Variants in RBM20 observed in about 807,000 individuals in gnomAD.
RBM20 encodes RNA-binding protein 20.
In RBM20, 51 loss-of-function variants were observed where a neutral mutation model predicts 110.1. The ratio of observed to expected loss-of-function variants is 0.46; its 90% CI spans 0.37 to 0.59. The LOEUF (loss-of-function observed/expected upper bound fraction) is 0.59. Among genes scored for constraint, RBM20 ranks in the 20% least tolerant of loss-of-function variants. RBM20 has a pLI of 0.00. For synonymous variants in RBM20, 589 were observed against 618.2 expected, an observed-to-expected ratio of 0.95 and a Z score of 0.70; for missense variants, 1,512 against 1,574.9, an observed-to-expected ratio of 0.96 and a Z score of 0.68.
Position 110,835,894 on chromosome 10 carries a change from G to A in RBM20, c.3600G>A (p.Glu1200=). Residue 1200 remains glutamate (E), a synonymous_variant, in exon 14 of 14, where the codon GAG becomes GAA. Coordinates refer to ENST00000369519, the MANE Select transcript of RBM20 (RefSeq NM_001134363.3). ...AATATTTGTCCCAGCTGGCCGAGGAGGGCCTCAAGGAGACCGAGGGGGCAG... is the reference window on the plus strand; with the variant it reads ...AATATTTGTCCCAGCTGGCCGAGGAAGGCCTCAAGGAGACCGAGGGGGCAG... ...LQKYLSQLAE[E]GLKETEGADS... The A allele has an allele frequency of 6.5e-7, 1 of 1,549,402 alleles. No homozygotes were observed. The highest frequency in any genetic ancestry group is 8.7e-7 in the Non-Finnish European group (1 of 1,145,188).
At chr10:110,785,938 G>A (rs1459254848) in intron 5 of RBM20, among the ~76,000 whole-genome samples, 1 of 152,220 alleles carries the variant, frequency 6.6e-6, no homozygotes, top group East Asian at 1.9e-4. Context: ...CTACGCACCA[G>A]TAGCATTTGT....
chr10:110,813,382 G>A (rs61862918), intron 9 of RBM20, among the ~76,000 whole-genome samples: 11 of 152,190 alleles, frequency 7.2e-5, no homozygotes, highest in African/African-American at 1.4e-4. Flanking sequence ...AGCCTCCCAA[G>A]GGAGATTAGA....
At chr10:110,795,402 A>G (rs761622190) in intron 5 of RBM20, among the ~76,000 whole-genome samples, 27 of 152,216 alleles carry the variant, frequency 1.8e-4, no homozygotes, top group Admixed American at 3.9e-4. Context: ...CCTTTGGGAA[A>G]GTGCTTGACC....
intron 7 of RBM20, among the ~76,000 whole-genome samples, chr10:110,800,417 T>C (rs1844607413): frequency 6.6e-6 from 1 of 152,232 alleles, no homozygotes; most frequent in African/African-American, 2.4e-5. Flanking sequence ...TTCAAATAGT[T>C]CCAAACCAGG....
chr10:110,831,681 A>AAAAAAC (rs1554844426), intron 13 of RBM20, among the ~76,000 whole-genome samples: 20 of 146,006 alleles, frequency 1.4e-4, no homozygotes, highest in Admixed American at 3.6e-4. Context: ...AAAAAAAAAA[A>AAAAAAC]AAAAAAAAAA....
chr10:110,833,862 A>G (rs567129636), intron 13 of RBM20, among the ~76,000 whole-genome samples: 11 of 152,170 alleles, frequency 7.2e-5, no homozygotes, highest in African/African-American at 2.7e-4. Flanking sequence ...GGCTTCCCAG[A>G]TAGGATTTCT....
At chr10:110,698,115 A>G in intron 1 of RBM20, among the ~76,000 whole-genome samples, 1 of 151,990 alleles carries the variant, frequency 6.6e-6, no homozygotes, top group Non-Finnish European at 1.5e-5. Flanking sequence ...TTACTGTGTT[A>G]GCCAGGATAG....
chr10:110,745,680 A>G (rs756806663), intron 1 of RBM20, among the ~76,000 whole-genome samples: 2 of 152,192 alleles, frequency 1.3e-5, no homozygotes, highest in African/African-American at 4.8e-5. Flanking sequence ...ATCCAATTCA[A>G]TGTCACATCC....
chr10:110,667,345 G>T (rs1322711492), intron 1 of RBM20, among the ~76,000 whole-genome samples: 2 of 152,200 alleles, frequency 1.3e-5, no homozygotes, highest in Admixed American at 6.5e-5. Flanking sequence ...GGGCCACCTT[G>T]CCTAAGTTTG....
At position 110,799,802 on chromosome 10, in the gene RBM20, G is replaced by C; in HGVS notation, c.1684G>C (p.Ala562Pro). The C allele has an allele frequency of 1.3e-6, 2 of 1,551,232 alleles. No individual in the cohort carries two copies. Among genetic ancestry groups the C allele is most frequent in the East Asian group, 4.9e-5 (2 of 40,916 alleles). ...TCTTTCTTAGGCCTTTTTAGAGATG[G>C]CTTACACAGAAGCTGCACAGGCCAT... ...KSTNQAFLEMAYTEAAQAMVQ... is the reference protein window; with the variant it reads ...KSTNQAFLEMPYTEAAQAMVQ... Residue 562 changes from alanine (A) to proline (P), a missense_variant, in exon 7 of 14, where the codon GCT (alanine) becomes CCT (proline). Coordinates refer to ENST00000369519, the MANE Select transcript of RBM20 (RefSeq NM_001134363.3).
chr10:110,813,698 G>T (rs186481148), intron 9 of RBM20, among the ~76,000 whole-genome samples: 1 of 152,102 alleles, frequency 6.6e-6, no homozygotes, highest in Non-Finnish European at 1.5e-5. Flanking sequence ...AGCCAGGCAA[G>T]GTGGTGCACC....
intron 1 of RBM20, among the ~76,000 whole-genome samples, chr10:110,678,361 C>T (rs902039205): frequency 8.5e-5 from 13 of 152,176 alleles, no homozygotes; most frequent in East Asian, 5.8e-4. Context: ...TGTTTCAAGA[C>T]GTACTTGAGC....
At chr10:110,826,166 C>G (rs950316083) in intron 12 of RBM20, among the ~76,000 whole-genome samples, 2 of 152,200 alleles carry the variant, frequency 1.3e-5, no homozygotes, top group African/African-American at 4.8e-5. Flanking sequence ...CCAATATCCA[C>G]CTCCCATTGG....
chr10:110,748,998 A>C (rs1272621112), intron 1 of RBM20, among the ~76,000 whole-genome samples: 1 of 152,226 alleles, frequency 6.6e-6, no homozygotes, highest in Admixed American at 6.5e-5. Flanking sequence ...GGAGCTTACT[A>C]ATTGGGAAGA....
chr10:110,737,931 T>A (rs1409464845), intron 1 of RBM20, among the ~76,000 whole-genome samples: 2 of 152,228 alleles, frequency 1.3e-5, no homozygotes, highest in African/African-American at 4.8e-5. Context: ...GGGGTGGAAT[T>A]GCTGGGTTGT....
intron 1 of RBM20, among the ~76,000 whole-genome samples, chr10:110,679,528 G>C (rs138207001): frequency 1.4e-3 from 206 of 152,316 alleles, no homozygotes; most frequent in Non-Finnish European, 2.4e-3. Flanking sequence ...GCCTCTTCTT[G>C]TTAATAATTA....
At chr10:110,801,678 C>T (rs996187723) in intron 7 of RBM20, among the ~76,000 whole-genome samples, 3 of 150,158 alleles carry the variant, frequency 2.0e-5, no homozygotes, top group African/African-American at 4.9e-5. Context: ...GGACTACAGG[C>T]ACACACCACC....
intron 1 of RBM20, among the ~76,000 whole-genome samples, chr10:110,726,886 G>A (rs369654535): frequency 1.1e-4 from 16 of 152,048 alleles, no homozygotes; most frequent in East Asian, 3.9e-4. Context: ...TGCTCTTATC[G>A]CCCAGGCTGG....
In RBM20 at chr10:110,839,080, C is replaced by A. The variant is rs903295944; in HGVS notation, c.*3102C>A. ...CCCTTAAGCAACAGATTCATATTTA[C>A]CCTGGGTTAATACAACAAAAGGCCT... On this transcript the variant is annotated 3_prime_UTR_variant, in exon 14 of 14. Coordinates refer to ENST00000369519, the MANE Select transcript of RBM20 (RefSeq NM_001134363.3). The A allele has an allele frequency of 6.6e-6, 1 of 152,164 alleles. No homozygotes were observed. Among genetic ancestry groups the A allele is most frequent in the African/African-American group, 2.4e-5 (1 of 41,434 alleles). The allele number at this position is 152,164 out of a possible 1,614,324, so 9.4% of individuals were successfully genotyped here.
Sources: gnomAD v4.1 joint callset for allele counts (sites outside exome capture counted in the v4.1 genomes callset) on GRCh38, gnomAD v4.1.1 for gene constraint, MANE v1.5 for transcripts, NCBI Gene and HGNC (gene_info 2026-07-23, HGNC 2026-07-21) for gene names.